Variants in COL27A1 observed in about 807,000 individuals in gnomAD.
COL27A1 encodes the protein collagen alpha-1(XXVII) chain.
COL27A1 carries 106 observed loss-of-function variants against 251.3 expected under a neutral mutation model. The ratio of observed to expected loss-of-function variants is 0.42; its 90% CI spans 0.36 to 0.50. The LOEUF is 0.50. Among genes scored for constraint, COL27A1 ranks in the 20% least tolerant of loss-of-function variants. COL27A1 has a pLI of 0.00. For synonymous variants in COL27A1, 1,000 were observed against 986.3 expected, an observed-to-expected ratio of 1.01 and a Z score of -0.26; for missense variants, 2,325 against 2,522.8, an observed-to-expected ratio of 0.92 and a Z score of 1.68.
chr9:114,280,223 T>C (rs1588860567), intron 37 of COL27A1, among the ~76,000 whole-genome samples: 1 of 146,416 alleles, frequency 6.8e-6, no homozygotes, highest in South Asian at 2.1e-4. Flanking sequence ...TTTTTTTTTT[T>C]TCTTTTGAGA....
chr9:114,210,708 G>A (rs1477967416), intron 11 of COL27A1, among the ~76,000 whole-genome samples: 1 of 152,068 alleles, frequency 6.6e-6, no homozygotes, highest in Non-Finnish European at 1.5e-5. Flanking sequence ...ACCTCCATAA[G>A]CTGGGTATAG....
In COL27A1 at chr9:114,309,322, C is replaced by A; in HGVS notation, c.5280C>A (p.Thr1760=). 6.2e-7 allele frequency: 1 copy of A among 1,614,110 alleles called. No homozygotes were observed. The highest frequency in any genetic ancestry group is 8.5e-7 in the Non-Finnish European group (1 of 1,180,028). ...TGCACCTGCTAAGCTCCGAGGTGAC[C>A]CAGCACATCACCATCCACTGCCTTA... is the stretch of plus-strand genomic sequence containing the variant. ...NFLHLLSSEV[T]QHITIHCLNM... is the part of the protein sequence containing the mutation. Residue 1760 remains threonine (T), a synonymous_variant, in exon 60 of 61, where the codon ACC becomes ACA. Transcript: ENST00000356083.
chr9:114,264,891 C>T, intron 29 of COL27A1, 33 bp from the exon 30 acceptor site: 3 of 1,601,688 alleles, frequency 1.9e-6, no homozygotes, highest in Non-Finnish European at 2.6e-6. Flanking sequence ...CCCAAGCACC[C>T]TCTCCCACCT....
chr9:114,218,329 A>G (rs1343221886), intron 12 of COL27A1: 1 of 159,280 alleles, frequency 6.3e-6, no homozygotes, highest in East Asian at 1.9e-4. Flanking sequence ...CCCCTGCCAC[A>G]CTCCTCTGCC....
At chr9:114,306,818 A>G (rs1829085966) in intron 58 of COL27A1, 130 bp downstream of exon 58, 4 of 973,142 alleles carry the variant, frequency 4.1e-6, no homozygotes, top group Non-Finnish European at 4.5e-6. Context: ...GCAGTCATTT[A>G]TTCACTCAGC....
chr9:114,259,161 G>T (rs2135563670), intron 28 of COL27A1, among the ~76,000 whole-genome samples: 1 of 152,352 alleles, frequency 6.6e-6, no homozygotes, highest in East Asian at 1.9e-4. Context: ...GGCAGGGGAA[G>T]ACCTGAAGGT....
At chr9:114,183,156 G>A in intron 5 of COL27A1, 81 bp downstream of exon 5, 3 of 1,373,766 alleles carry the variant, frequency 2.2e-6, no homozygotes, top group South Asian at 2.4e-5. Flanking sequence ...GGGGTGCCTG[G>A]TGGGAGGGCT....
In COL27A1 at chr9:114,304,820, G is replaced by A. The variant is rs962237011; in HGVS notation, c.4938+147G>A. On this transcript the variant is annotated intron_variant, in intron 57 of 60. Coordinates refer to ENST00000356083, the MANE Select transcript of COL27A1 (RefSeq NM_032888.4). ...TGGTGGCATCTCGCATCCACAAATG[G>A]GGGTTTGTACTGAAACTCAGAATGG... 6 of 695,190 alleles carry A rather than the reference G, an allele frequency of 8.6e-6. No homozygotes were observed. In the African/African-American group the frequency reaches 1.1e-4, roughly 12 times the overall value. The allele number at this position is 695,190 out of a possible 1,614,324, so 43.1% of individuals were successfully genotyped here. A position where few individuals can be genotyped will look rare whatever the true frequency, so the allele number is the denominator to read the frequency against.
At chr9:114,289,166 C>T in intron 44 of COL27A1, 76 bp from the exon 45 acceptor site, 1 of 1,434,942 alleles carries the variant, frequency 7.0e-7, no homozygotes, top group Non-Finnish European at 9.5e-7. Context: ...ACCCCTCCCC[C>T]TCCAGGCGGA....
chr9:114,185,236 C>G (rs994325850), intron 5 of COL27A1, among the ~76,000 whole-genome samples: 3 of 152,196 alleles, frequency 2.0e-5, no homozygotes, highest in African/African-American at 7.2e-5. Context: ...GACTCAGGGC[C>G]TCATGGACAG....
chr9:114,173,982 ATT>A lies in COL27A1; in HGVS notation c.1909-4297_1909-4296del, dbSNP rs35701083. Among the ~76,000 whole-genome samples, 565 of 145,334 alleles carry A rather than the reference ATT, an allele frequency of 3.9e-3. 2 individuals carry two copies. The highest frequency in any genetic ancestry group is 6.1e-3 in the Non-Finnish European group (402 of 66,352). On this transcript the variant is annotated intron_variant, in intron 3 of 60. Coordinates refer to ENST00000356083, the MANE Select transcript of COL27A1 (RefSeq NM_032888.4). ...GGGGGTTTGGGGGAGGACTGCCCCC[ATT>A]TTTTTTTTTTTGAGACAGAGTCTTG...
chr9:114,250,733 A>G, intron 25 of COL27A1, 65 bp downstream of exon 25: 1 of 1,472,970 alleles, frequency 6.8e-7, no homozygotes, highest in Non-Finnish European at 9.5e-7. Flanking sequence ...TAAAAAGGTG[A>G]AGAGGCCCTT....
chr9:114,280,209 A>ATTTTTTTTTTTTTTTTT (rs112978442), intron 37 of COL27A1, among the ~76,000 whole-genome samples: 1 of 146,914 alleles, frequency 6.8e-6, no homozygotes, highest in Non-Finnish European at 1.5e-5. Context: ...TCAACTTTTA[A>ATTTTTTTTTTTTTTTTT]TTTTTTTTTT....
intron 36 of COL27A1, among the ~76,000 whole-genome samples, chr9:114,274,415 C>T (rs891564567): frequency 1.3e-5 from 2 of 152,168 alleles, no homozygotes; most frequent in East Asian, 1.9e-4. Context: ...CTGGGCCAGA[C>T]CACTTGATTT....
At chr9:114,257,763 T>C (rs545766499) in intron 27 of COL27A1, among the ~76,000 whole-genome samples, 159 of 152,238 alleles carry the variant, frequency 1.0e-3, no homozygotes, top group African/African-American at 3.7e-3. Context: ...TTCTTCCTCC[T>C]CCTCTTTTCC....
chr9:114,253,186 G>A (rs1009822765), intron 27 of COL27A1, among the ~76,000 whole-genome samples: 1 of 152,082 alleles, frequency 6.6e-6, no homozygotes. Context: ...CTTGAACCCA[G>A]AAGGCAGAGG....
At chr9:114,157,100 A>G (rs533936147) in intron 1 of COL27A1, among the ~76,000 whole-genome samples, 3,638 of 134,406 alleles carry the variant, frequency 0.027, 82 homozygotes, top group Non-Finnish European at 0.04. Context: ...ACACACACAC[A>G]CACATACGCG....
At position 114,270,739 on chromosome 9, in the gene COL27A1, C is replaced by G. The variant is rs781010065; in HGVS notation, c.3567C>G (p.Gly1189=). Residue 1189 remains glycine (G), a synonymous_variant, in exon 36 of 61, where the codon GGC becomes GGG. Transcript: ENST00000356083. ...QGLIGQRGEP[G]LEGDSGPMGP... is the part of the protein sequence containing the mutation. Reference sequence around the variant, plus strand: ...ATCACCTTTTCCAGGGAGAGCCAGGCCTTGAGGGTGACAGTGGCCCCATGG... The same window carrying G: ...ATCACCTTTTCCAGGGAGAGCCAGGGCTTGAGGGTGACAGTGGCCCCATGG... 2 of 1,612,720 alleles carry G rather than the reference C, an allele frequency of 1.2e-6. No homozygotes were observed. Among genetic ancestry groups the G allele is most frequent in the South Asian group, 2.2e-5 (2 of 90,966 alleles).
chr9:114,242,111 A>C (rs1322931523), intron 21 of COL27A1, 76 bp from the exon 22 acceptor site: 2 of 1,325,418 alleles, frequency 1.5e-6, no homozygotes, highest in Non-Finnish European at 2.1e-6. Context: ...CTTTCCCTCC[A>C]TACAGGACAA....
Sources: allele counts gnomAD v4.1 joint callset (sites outside exome capture counted in the v4.1 genomes callset), GRCh38; gene constraint gnomAD v4.1.1; transcripts MANE v1.5; gene names NCBI Gene and HGNC (gene_info 2026-07-23, HGNC 2026-07-21).